The following PCDHA11 variants were observed in gnomAD, a reference collection of about 807,000 sequenced individuals.
The protein encoded by PCDHA11 is protocadherin alpha 11, also known as protocadherin alpha-11.
Under a neutral mutation model 70.3 loss-of-function variants are expected in PCDHA11, and 61 were observed. That is an observed-to-expected ratio of 0.87 (90% confidence interval 0.71 to 1.07). The LOEUF (loss-of-function observed/expected upper bound fraction) is 1.07. PCDHA11 is among the 50% of genes least tolerant of loss of function. The pLI is 0.00. For missense variants in PCDHA11, 1,324 were observed against 1,237.5 expected (o/e 1.07, Z -1.05); for synonymous variants, 633 against 555.1 (o/e 1.14, Z -1.97).
chr5:140,968,029 G>A, intron 1 of PCDHA11: 1 of 1,614,170 alleles, frequency 6.2e-7, no homozygotes, highest in Non-Finnish European at 8.5e-7. Context: ...CCTATACACT[G>A]GTGGTGAGCG....
rs782525734 is a variant in PCDHA11 at position 140,884,093 on chromosome 5, T to A, written c.2391+12599T>A. 3.1e-6 allele frequency: 5 copies of A among 1,613,500 alleles called. No homozygotes were observed. In the Admixed American group the frequency reaches 8.3e-5, roughly 27 times the overall value. ...TTCGGGCTACAATGCGTGGCTTTCGTATGAATTGCAGCTGGCGGCGGTCGG... is the reference window on the plus strand; with the variant it reads ...TTCGGGCTACAATGCGTGGCTTTCGAATGAATTGCAGCTGGCGGCGGTCGG... On this transcript the variant is annotated intron_variant, in intron 1 of 3. Coordinates refer to ENST00000398640, the MANE Select transcript of PCDHA11 (RefSeq NM_018902.5).
intron 1 of PCDHA11, among the ~76,000 whole-genome samples, chr5:140,962,961 T>C (rs1483172996): frequency 1.3e-5 from 2 of 152,148 alleles, no homozygotes; most frequent in African/African-American, 4.8e-5. Flanking sequence ...TCTATCCCTA[T>C]ATAGGAAATT....
intron 1 of PCDHA11, chr5:140,926,540 T>G: frequency 4.6e-6 from 1 of 215,362 alleles, no homozygotes; most frequent in Non-Finnish European, 9.1e-6. Context: ...GCCAGCGTGG[T>G]GGTCGAGACC....
rs781968482 is a variant in PCDHA11, at chr5:140,869,561, C to T, written c.458C>T (p.Pro153Leu). 28 of 1,614,032 alleles carry T rather than the reference C, an allele frequency of 1.7e-5. No individual in the cohort carries two copies. Among genetic ancestry groups the T allele is most frequent in the Middle Eastern group, 1.6e-4 (1 of 6,084 alleles). ...AESKQSDSRF[P>L]LEGASDADIE... ...TCTAAGCAATCGGACTCGCGTTTTC[C>T]ACTAGAGGGAGCTTCTGATGCTGAC... The change falls in exon 1 of 4, where the codon CCA becomes CTA. Residue 153 changes from proline to leucine, a missense_variant. By Grantham distance (98) the Pro-to-Leu change is moderately conservative. Coordinates refer to ENST00000398640, the MANE Select transcript of PCDHA11 (RefSeq NM_018902.5).
intron 1 of PCDHA11, among the ~76,000 whole-genome samples, chr5:140,908,903 C>T (rs116633080): frequency 2.5e-3 from 374 of 152,278 alleles, no homozygotes; most frequent in African/African-American, 8.5e-3. Context: ...AAGCCTCTTT[C>T]GTGGTTGTAG....
At chr5:140,883,406 G>T (rs782181791) in intron 1 of PCDHA11, 3 of 1,614,156 alleles carry the variant, frequency 1.9e-6, no homozygotes, top group Non-Finnish European at 1.7e-6. Context: ...TCGTGACTCT[G>T]GCTCAAATGG....
chr5:140,980,294 A>G (rs1325974235), intron 2 of PCDHA11, among the ~76,000 whole-genome samples: 1 of 152,234 alleles, frequency 6.6e-6, no homozygotes, highest in Non-Finnish European at 1.5e-5. Context: ...TACCAAAGCT[A>G]TGAGTTGTGC....
At chr5:140,927,989 A>T (rs2084847354) in intron 1 of PCDHA11, 1 of 1,614,208 alleles carries the variant, frequency 6.2e-7, no homozygotes, top group African/African-American at 1.3e-5. Flanking sequence ...AGTGTAAAGG[A>T]TGAAGACCTC....
intron 1 of PCDHA11, among the ~76,000 whole-genome samples, chr5:140,978,254 A>T (rs2096794173): frequency 6.6e-6 from 1 of 152,228 alleles, no homozygotes; most frequent in Non-Finnish European, 1.5e-5. Context: ...TCCCTGTTAA[A>T]CAATCAGAGC....
At chr5:140,883,226 G>T (rs572696678) in intron 1 of PCDHA11, 82 of 1,613,938 alleles carry the variant, frequency 5.1e-5, no homozygotes, top group South Asian at 4.2e-4. Flanking sequence ...TGAAATATCC[G>T]TGGAGGCAGT....
intron 1 of PCDHA11, among the ~76,000 whole-genome samples, chr5:140,956,090 C>T (rs964801271): frequency 1.3e-5 from 2 of 152,162 alleles, no homozygotes; most frequent in Non-Finnish European, 2.9e-5. Flanking sequence ...ATGTCATCTG[C>T]AAACAAAGAT....
intron 1 of PCDHA11, among the ~76,000 whole-genome samples, chr5:140,897,558 T>A (rs1413076305): frequency 3.3e-5 from 5 of 152,186 alleles, no homozygotes; most frequent in African/African-American, 1.2e-4. Context: ...ATGGTGTATA[T>A]GTGCCACATT....
At chr5:140,880,083 A>G (rs1453702460) in intron 1 of PCDHA11, among the ~76,000 whole-genome samples, 2 of 152,242 alleles carry the variant, frequency 1.3e-5, no homozygotes, top group African/African-American at 4.8e-5. Context: ...TCAACCTATT[A>G]TAGTAGGCTT....
chr5:140,970,776 A>G lies in PCDHA11; in HGVS notation c.2392-8173A>G, dbSNP rs1338334067. Among the ~76,000 whole-genome samples the G allele has an allele frequency of 1.3e-5, 2 of 152,212 alleles. 1 individual carries two copies. The highest frequency in any genetic ancestry group is 4.8e-5 in the African/African-American group (2 of 41,458). On this transcript the variant is annotated intron_variant, in intron 1 of 3. Coordinates refer to ENST00000398640, the MANE Select transcript of PCDHA11 (RefSeq NM_018902.5). Reference sequence around the variant, plus strand: ...TTCATTGACATATTGCTGTACATACATATTGTATGTAATATCCATATTGTT... The same window carrying G: ...TTCATTGACATATTGCTGTACATACGTATTGTATGTAATATCCATATTGTT...
At chr5:140,943,770 A>G (rs1290673049) in intron 1 of PCDHA11, among the ~76,000 whole-genome samples, 16 of 152,384 alleles carry the variant, frequency 1.0e-4, no homozygotes, top group African/African-American at 3.8e-4. Context: ...TAGGAAAAAA[A>G]CTAGGAAGTG....
chr5:140,907,167 T>C (rs1200819434), intron 1 of PCDHA11, among the ~76,000 whole-genome samples: 3 of 152,166 alleles, frequency 2.0e-5, no homozygotes, highest in Non-Finnish European at 4.4e-5. Context: ...ATATATTGGA[T>C]GCTGATTCAG....
intron 1 of PCDHA11, chr5:140,875,290 A>AT (rs1231810985): frequency 7.9e-6 from 11 of 1,396,906 alleles, no homozygotes; most frequent in Non-Finnish European, 1.0e-5. Context: ...AAACAGGAAA[A>AT]TTTTTTTCTC....
chr5:140,887,707 C>A (rs1554183190), intron 1 of PCDHA11, among the ~76,000 whole-genome samples: 1 of 152,132 alleles, frequency 6.6e-6, no homozygotes, highest in African/African-American at 2.4e-5. Context: ...AACCATACTT[C>A]TTCTAATAGT....
Position 140,951,753 on chromosome 5 carries a change from C to T in PCDHA11, c.2392-27196C>T, listed in dbSNP as rs140119406. ...ATTCTGCCACTGCCCTCACCCTCCGCGAAATCTCATGACGTTCTTACATTG... is the reference window on the plus strand; with the variant it reads ...ATTCTGCCACTGCCCTCACCCTCCGTGAAATCTCATGACGTTCTTACATTG... On this transcript the variant is annotated intron_variant, in intron 1 of 3. Transcript: ENST00000398640. Among the ~76,000 whole-genome samples the T allele has an allele frequency of 7.0e-3, 1,059 of 152,208 alleles. 11 individuals are homozygous for T. The highest frequency in any genetic ancestry group is 0.014 in the Admixed American group (209 of 15,290).
Sources: gnomAD v4.1 joint callset for allele counts (sites outside exome capture counted in the v4.1 genomes callset) on GRCh38, gnomAD v4.1.1 for gene constraint, MANE v1.5 for transcripts, NCBI Gene and HGNC (gene_info 2026-07-23, HGNC 2026-07-21) for gene names.